KAZN: variants seen among roughly 807,000 people sequenced by gnomAD.
The protein encoded by KAZN is kazrin.
KAZN carries 40 observed loss-of-function variants against 87.4 expected under a neutral mutation model. The observed-to-expected ratio is 0.46, with a 90% CI of 0.36 to 0.60. KAZN has a LOEUF of 0.60. Ranked by LOEUF, KAZN falls within the 20% of genes least tolerant of loss-of-function variation. KAZN has a pLI of 0.00. For missense variants in KAZN, 898 were observed against 1,073.9 expected, an observed-to-expected ratio of 0.84 and a Z score of 2.29; for synonymous variants, 466 against 458.3, an observed-to-expected ratio of 1.02 and a Z score of -0.22.
At chr1:14,810,852 C>T (rs931945598) in intron 1 of KAZN, among the ~76,000 whole-genome samples, 1 of 152,108 alleles carries the variant, frequency 6.6e-6, no homozygotes, top group Admixed American at 6.5e-5. Context: ...CAGGTCCAGC[C>T]GTAGCCTGCC....
chr1:15,082,990 C>T lies in KAZN; in HGVS notation c.1223-11190C>T, dbSNP rs116000742. ...TGACATCCCTGATCTAAAGACCACTCTAGGAGCAGTCTCCCTCCTCTAAGT... is the reference window on the plus strand; with the variant it reads ...TGACATCCCTGATCTAAAGACCACTTTAGGAGCAGTCTCCCTCCTCTAAGT... On this transcript the variant is annotated intron_variant, in intron 8 of 14. Coordinates refer to ENST00000376030, the MANE Select transcript of KAZN (RefSeq NM_201628.3). Among the ~76,000 whole-genome samples, 341 of 152,316 alleles carry T rather than the reference C, an allele frequency of 2.2e-3. 1 individual carries two copies. The highest frequency in any genetic ancestry group is 0.01 in the Middle Eastern group (3 of 294).
chr1:14,525,994 C>T (rs1671842058), intron 2 of KAZN, among the ~76,000 whole-genome samples: 4 of 152,146 alleles, frequency 2.6e-5, no homozygotes, highest in Admixed American at 6.6e-5. Context: ...GGGGATGATG[C>T]CTGGTACCTA....
intron 1 of KAZN, among the ~76,000 whole-genome samples, chr1:14,868,091 G>A (rs1239483448): frequency 1.3e-5 from 2 of 151,768 alleles, no homozygotes; most frequent in South Asian, 2.1e-4. Flanking sequence ...ACATACGCAC[G>A]GTATCACATA....
chr1:14,442,188 A>C (rs2148314423), intron 2 of KAZN, among the ~76,000 whole-genome samples: 1 of 152,368 alleles, frequency 6.6e-6, no homozygotes, highest in African/African-American at 2.4e-5. Flanking sequence ...TGATTTAGAA[A>C]GCCTCATTTG....
intron 2 of KAZN, among the ~76,000 whole-genome samples, chr1:14,458,107 C>T (rs555708214): frequency 1.3e-5 from 2 of 152,258 alleles, no homozygotes; most frequent in East Asian, 3.9e-4. Context: ...CAGGTAGAGC[C>T]ACCACGCCCA....
chr1:14,686,633 A>G (rs1396267836), intron 1 of KAZN, among the ~76,000 whole-genome samples: 2 of 152,390 alleles, frequency 1.3e-5, no homozygotes, highest in East Asian at 3.9e-4. Context: ...GCGACCTAGC[A>G]GAAACTCTAG....
At chr1:15,002,194 A>T (rs1668559008) in intron 2 of KAZN, among the ~76,000 whole-genome samples, 1 of 152,048 alleles carries the variant, frequency 6.6e-6, no homozygotes, top group Non-Finnish European at 1.5e-5. Context: ...AATCTTATGT[A>T]TTCGACGGTC....
At chr1:14,863,590 A>T (rs1271179359) in intron 1 of KAZN, among the ~76,000 whole-genome samples, 1 of 152,174 alleles carries the variant, frequency 6.6e-6, no homozygotes, top group Non-Finnish European at 1.5e-5. Flanking sequence ...AATTGGATTC[A>T]ATTCCTAACC....
intron 2 of KAZN, among the ~76,000 whole-genome samples, chr1:14,409,593 G>A (rs553745172): frequency 6.6e-6 from 1 of 152,272 alleles, no homozygotes; most frequent in East Asian, 1.9e-4. Flanking sequence ...GATATCCATG[G>A]GGAATCTATA....
At chr1:14,857,756 G>C (rs1008328424) in intron 1 of KAZN, among the ~76,000 whole-genome samples, 3 of 152,032 alleles carry the variant, frequency 2.0e-5, no homozygotes, top group Non-Finnish European at 4.4e-5. Context: ...TCAGAGTCTA[G>C]CCCACCCTCC....
chr1:14,209,826 A>G (rs1243250741), intron 2 of KAZN, among the ~76,000 whole-genome samples: 1 of 152,174 alleles, frequency 6.6e-6, no homozygotes, highest in Non-Finnish European at 1.5e-5. Context: ...GTCCCCAATG[A>G]TGACAATCTG....
intron 2 of KAZN, among the ~76,000 whole-genome samples, chr1:14,509,086 A>G (rs569041590): frequency 6.6e-6 from 1 of 152,360 alleles, no homozygotes. Flanking sequence ...GCACGGAGGT[A>G]CTATGATGTG....
At chr1:14,815,289 C>T (rs1015870387) in intron 1 of KAZN, among the ~76,000 whole-genome samples, 2 of 152,174 alleles carry the variant, frequency 1.3e-5, no homozygotes, top group African/African-American at 4.8e-5. Flanking sequence ...TTTGCCCCTT[C>T]TGGGTGCTGG....
chr1:14,517,159 C>T (rs1671341974), intron 2 of KAZN, among the ~76,000 whole-genome samples: 1 of 152,020 alleles, frequency 6.6e-6, no homozygotes, highest in African/African-American at 2.4e-5. Context: ...TCAGAGATGA[C>T]CGTGTGACCC....
rs1334361977 is a variant in KAZN, at chr1:14,960,780, G to A, written c.323G>A (p.Gly108Asp). Residue 108 changes from glycine to aspartate, a missense_variant, in exon 2 of 15, where the codon GGC becomes GAC. By Grantham distance (94) the Gly-to-Asp change is moderately conservative. Transcript: ENST00000376030. ...GCGAAGGACCTGGAGGAGTCGCAGGGCGGCAAGTCCTCTGAGGTCCTCTCG... is the reference window on the plus strand; with the variant it reads ...GCGAAGGACCTGGAGGAGTCGCAGGACGGCAAGTCCTCTGAGGTCCTCTCG... ...MLAKDLEESQ[G>D]GKSSEVLSAT... 1 of 1,611,030 alleles carries A rather than the reference G, an allele frequency of 6.2e-7. No individual in the cohort carries two copies. The highest frequency in any genetic ancestry group is 8.5e-7 in the Non-Finnish European group (1 of 1,178,954).
chr1:14,592,341 C>T (rs1255927112), intron 2 of KAZN, among the ~76,000 whole-genome samples: 2 of 152,158 alleles, frequency 1.3e-5, no homozygotes, highest in Non-Finnish European at 2.9e-5. Flanking sequence ...TCCTGAGGCT[C>T]AAAAGGCTCC....
chr1:14,187,782 C>T (rs538811852), intron 2 of KAZN, among the ~76,000 whole-genome samples: 3 of 152,286 alleles, frequency 2.0e-5, no homozygotes, highest in South Asian at 4.1e-4. Flanking sequence ...TTGAGAAACC[C>T]TACTTTAGGT....
rs139255656 is a variant in KAZN at position 14,804,662 on chromosome 1, G to A, written c.227-156022G>A. On this transcript the variant is annotated intron_variant, in intron 1 of 14. Transcript: ENST00000376030. ...GCAATGGAAAAAGAGGCCTCCCCAC[G>A]TCCAGTCTTTTTAGGAGAGACACAT... Among the ~76,000 whole-genome samples the A allele has an allele frequency of 3.9e-5, 6 of 152,280 alleles. No individual in the cohort carries two copies. The East Asian group carries it at 7.7e-4, about 20-fold the overall frequency.
chr1:14,325,838 G>C (rs1016236180), intron 2 of KAZN, among the ~76,000 whole-genome samples: 1 of 152,186 alleles, frequency 6.6e-6, no homozygotes, highest in Admixed American at 6.5e-5. Flanking sequence ...CACGTGGCTT[G>C]AGACAACCCT....
Sources: allele counts gnomAD v4.1 joint callset (sites outside exome capture counted in the v4.1 genomes callset), GRCh38; gene constraint gnomAD v4.1.1; transcripts MANE v1.5; gene names NCBI Gene and HGNC (gene_info 2026-07-23, HGNC 2026-07-21).